The following KIF18A variants were observed in gnomAD, a reference collection of about 807,000 sequenced individuals.
KIF18A encodes kinesin family member 18A.
KIF18A carries 67 observed loss-of-function variants against 103.3 expected under a neutral mutation model. The observed-to-expected ratio is 0.65, with a 90% CI of 0.53 to 0.79. The LOEUF is 0.79. Among genes scored for constraint, KIF18A ranks in the 30% least tolerant of loss-of-function variants. The probability of loss-of-function intolerance (pLI) is 0.00; values close to 1 mark genes in which losing one functional copy is unlikely to be tolerated. For synonymous variants in KIF18A, 367 were observed against 355.5 expected (o/e 1.03, Z -0.36); for missense variants, 1,032 against 1,062.5 (o/e 0.97, Z 0.40).
chr11:28,026,696 A>G (rs976076260), intron 15 of KIF18A, among the ~76,000 whole-genome samples: 1 of 151,834 alleles, frequency 6.6e-6, no homozygotes, highest in Non-Finnish European at 1.5e-5. Context: ...GTTCATATTT[A>G]AAAATTATTC....
intron 13 of KIF18A, among the ~76,000 whole-genome samples, chr11:28,041,310 A>G (rs1373138275): frequency 1.3e-5 from 2 of 151,888 alleles, no homozygotes; most frequent in African/African-American, 4.8e-5. Flanking sequence ...GATGGCTAGA[A>G]TAACAATTCT....
At chr11:28,065,628 G>T (rs890169511) in intron 11 of KIF18A, among the ~76,000 whole-genome samples, 3 of 151,916 alleles carry the variant, frequency 2.0e-5, no homozygotes, top group Non-Finnish European at 4.4e-5. Flanking sequence ...ACAAAATAGC[G>T]ATAATAATGA....
intron 11 of KIF18A, among the ~76,000 whole-genome samples, chr11:28,064,487 G>T (rs562682423): frequency 8.5e-5 from 13 of 152,054 alleles, no homozygotes; most frequent in African/African-American, 3.1e-4. Flanking sequence ...AGCATTAGGA[G>T]AAATACCTAA....
At chr11:28,062,653 A>C (rs1403681765) in intron 11 of KIF18A, 137 bp from the exon 12 acceptor site, 5 of 652,694 alleles carry the variant, frequency 7.7e-6, no homozygotes, top group Non-Finnish European at 1.1e-5. Flanking sequence ...ACAATTTGAA[A>C]AATAAGAGTT....
chr11:28,064,934 A>T (rs1850899676), intron 11 of KIF18A, among the ~76,000 whole-genome samples: 1 of 152,034 alleles, frequency 6.6e-6, no homozygotes, highest in Non-Finnish European at 1.5e-5. Context: ...CACAATGGAG[A>T]ATTTATTCTA....
At chr11:28,099,634 C>A (rs1000272338) in intron 1 of KIF18A, among the ~76,000 whole-genome samples, 1 of 151,854 alleles carries the variant, frequency 6.6e-6, no homozygotes, top group African/African-American at 2.4e-5. Flanking sequence ...ATAAATTCAC[C>A]CAAAACAACA....
intron 15 of KIF18A, among the ~76,000 whole-genome samples, chr11:28,034,419 C>T (rs1301567433): frequency 6.6e-6 from 1 of 151,706 alleles, no homozygotes; most frequent in Non-Finnish European, 1.5e-5. Context: ...TGGCCTATTT[C>T]TAGGTTGCCC....
chr11:28,067,396 T>G (rs1452946405), intron 11 of KIF18A, among the ~76,000 whole-genome samples: 3 of 152,094 alleles, frequency 2.0e-5, no homozygotes, highest in Admixed American at 2.0e-4. Flanking sequence ...GGATATCTGC[T>G]GCTTGCTCCT....
At chr11:28,096,770 T>C (rs2133565111) in intron 2 of KIF18A, among the ~76,000 whole-genome samples, 1 of 152,110 alleles carries the variant, frequency 6.6e-6, no homozygotes, top group Admixed American at 6.6e-5. Flanking sequence ...TTGGGGAAAA[T>C]ATCATAAATA....
At chr11:28,064,739 T>C (rs1247523433) in intron 11 of KIF18A, among the ~76,000 whole-genome samples, 2 of 152,076 alleles carry the variant, frequency 1.3e-5, no homozygotes, top group Non-Finnish European at 2.9e-5. Context: ...CTGTTAACTT[T>C]GGAAAATCAA....
At chr11:28,091,021 G>C (rs528846608) in intron 4 of KIF18A, among the ~76,000 whole-genome samples, 80 of 152,056 alleles carry the variant, frequency 5.3e-4, no homozygotes, top group Admixed American at 4.1e-3. Flanking sequence ...GCTGAGGCAG[G>C]CAGATCTTGA....
chr11:28,074,066 G>A (rs1851058694), intron 10 of KIF18A, among the ~76,000 whole-genome samples: 1 of 152,160 alleles, frequency 6.6e-6, no homozygotes, highest in Non-Finnish European at 1.5e-5. Context: ...AGGCATGGTG[G>A]TGGACACCTG....
At chr11:28,043,744 G>A (rs1246436362) in intron 13 of KIF18A, among the ~76,000 whole-genome samples, 1 of 151,726 alleles carries the variant, frequency 6.6e-6, no homozygotes, top group Non-Finnish European at 1.5e-5. Flanking sequence ...GAGCAAAAAT[G>A]GGGGGAAAAG....
intron 13 of KIF18A, among the ~76,000 whole-genome samples, chr11:28,052,791 G>GT (rs1850726643): frequency 6.6e-6 from 1 of 151,956 alleles, no homozygotes; most frequent in Admixed American, 6.6e-5. Context: ...AAATACTGCT[G>GT]TAAGTTAAAC....
At chr11:28,095,913 A>T (rs1851362998) in intron 2 of KIF18A, among the ~76,000 whole-genome samples, 2 of 151,620 alleles carry the variant, frequency 1.3e-5, no homozygotes, top group Admixed American at 1.3e-4. Context: ...CAGGAGGCTA[A>T]GATGGGAGGA....
At chr11:28,037,951 T>C (rs985371123) in intron 13 of KIF18A, among the ~76,000 whole-genome samples, 8 of 151,668 alleles carry the variant, frequency 5.3e-5, no homozygotes, top group Non-Finnish European at 1.2e-4. Flanking sequence ...CTCATATTTC[T>C]AATTATCCTC....
At chr11:28,060,786 T>C (rs1850847425) in intron 12 of KIF18A, among the ~76,000 whole-genome samples, 1 of 152,206 alleles carries the variant, frequency 6.6e-6, no homozygotes, top group Admixed American at 6.6e-5. Context: ...AAGTCTGGAA[T>C]TTTGATACAT....
intron 2 of KIF18A, among the ~76,000 whole-genome samples, chr11:28,095,028 TAAC>T (rs1851351513): frequency 6.6e-6 from 1 of 152,272 alleles, no homozygotes; most frequent in East Asian, 1.9e-4. Context: ...CCCCCCACTC[TAAC>T]AACTACTCTT....
intron 10 of KIF18A, among the ~76,000 whole-genome samples, chr11:28,071,639 A>C (rs1302129194): frequency 6.6e-6 from 1 of 151,868 alleles, no homozygotes; most frequent in Non-Finnish European, 1.5e-5. Flanking sequence ...ATATAAACAA[A>C]AGCTCTTTGA....
Sources: gnomAD v4.1 joint callset for allele counts (sites outside exome capture counted in the v4.1 genomes callset) on GRCh38, gnomAD v4.1.1 for gene constraint, MANE v1.5 for transcripts, NCBI Gene and HGNC (gene_info 2026-07-23, HGNC 2026-07-21) for gene names.